Variants in MAGI2 observed in about 807,000 individuals in gnomAD.
MAGI2 encodes the protein membrane associated guanylate kinase, WW and PDZ domain containing 2, also known as membrane-associated guanylate kinase, WW and PDZ domain-containing protein 2.
In MAGI2, 35 loss-of-function variants were observed where a neutral mutation model predicts 133.3. The ratio of observed to expected loss-of-function variants is 0.26; its 90% CI spans 0.20 to 0.35. The LOEUF is 0.35. MAGI2 is among the 10% of genes least tolerant of loss of function. MAGI2 has a pLI of 1.00. For synonymous variants in MAGI2, 729 were observed against 710.6 expected (o/e 1.03, Z -0.41); for missense variants, 1,636 against 1,863.4 (o/e 0.88, Z 2.25).
At chr7:79,441,071 T>G (rs543773049) in intron 1 of MAGI2, among the ~76,000 whole-genome samples, 2 of 152,370 alleles carry the variant, frequency 1.3e-5, no homozygotes, top group South Asian at 4.1e-4. Context: ...TATAAGCGAT[T>G]TCCTAAACTA....
chr7:79,325,553 T>A (rs1287556305), intron 1 of MAGI2, among the ~76,000 whole-genome samples: 1 of 152,190 alleles, frequency 6.6e-6, no homozygotes, highest in Non-Finnish European at 1.5e-5. Flanking sequence ...AAGAGTTAAC[T>A]GTTGCTTTCA....
At chr7:78,287,972 C>T (rs192068383) in intron 9 of MAGI2, among the ~76,000 whole-genome samples, 144 of 152,248 alleles carry the variant, frequency 9.5e-4, no homozygotes, top group Non-Finnish European at 1.7e-3. Context: ...CTAGACTTAA[C>T]AAAGGTACCC....
chr7:78,921,181 G>A (rs1220113793), intron 2 of MAGI2, among the ~76,000 whole-genome samples: 1 of 152,074 alleles, frequency 6.6e-6, no homozygotes, highest in South Asian at 2.1e-4. Context: ...CTGGGGAAGT[G>A]GAGGATCACT....
chr7:78,423,949 A>G (rs969475672), intron 6 of MAGI2, among the ~76,000 whole-genome samples: 2 of 152,208 alleles, frequency 1.3e-5, no homozygotes, highest in African/African-American at 2.4e-5. Flanking sequence ...ATGTAATAGA[A>G]AAGAAAAACC....
At position 78,057,977 on chromosome 7, in the gene MAGI2, G is replaced by GTGTGTATATATATATATATATATATATA. The variant is rs762943472; in HGVS notation, c.3706+20969_3706+20970insTATATATATATATATATATATATACACA. On this transcript the variant is annotated intron_variant, in intron 21 of 21. Coordinates refer to ENST00000354212, the MANE Select transcript of MAGI2 (RefSeq NM_012301.4). Reference sequence around the variant, plus strand: ...CCCCTCTGGCATTTTATATATATGTGTATATATATATATATATATATATAT... The same window carrying GTGTGTATATATATATATATATATATATA: ...CCCCTCTGGCATTTTATATATATGTGTGTGTATATATATATATATATATATATATATATATATATATATATATATATAT... 2.8e-5 allele frequency among the ~76,000 whole-genome samples: 3 copies of GTGTGTATATATATATATATATATATATA among 106,612 alleles called. 1 individual carries two copies. Among genetic ancestry groups the GTGTGTATATATATATATATATATATATA allele is most frequent in the South Asian group, 3.2e-4 (1 of 3,080 alleles). The allele number at this position is 106,612 out of a possible 152,430, so 69.9% of individuals were successfully genotyped here. A position where few individuals can be genotyped will look rare whatever the true frequency, so the allele number is the denominator to read the frequency against.
chr7:78,823,277 A>T (rs989462352), intron 2 of MAGI2, among the ~76,000 whole-genome samples: 1 of 152,138 alleles, frequency 6.6e-6, no homozygotes, highest in African/African-American at 2.4e-5. Context: ...AGTCTAAAAA[A>T]ATCAGTTTGA....
chr7:78,471,900 G>A (rs1434034007), intron 6 of MAGI2, among the ~76,000 whole-genome samples: 1 of 151,814 alleles, frequency 6.6e-6, no homozygotes, highest in Non-Finnish European at 1.5e-5. Context: ...ACTCCAGCCT[G>A]GGCAACAGAG....
chr7:78,235,236 T>G (rs374153006), intron 10 of MAGI2, among the ~76,000 whole-genome samples: 1 of 152,208 alleles, frequency 6.6e-6, no homozygotes, highest in East Asian at 1.9e-4. Context: ...CTCTGACATT[T>G]GTTGAAATCC....
At chr7:78,421,085 G>C (rs1798749924) in intron 6 of MAGI2, among the ~76,000 whole-genome samples, 1 of 152,148 alleles carries the variant, frequency 6.6e-6, no homozygotes, top group South Asian at 2.1e-4. Flanking sequence ...GGAGCTGTTG[G>C]CCAAATGTGG....
At chr7:78,392,950 C>T (rs2005549) in intron 6 of MAGI2, among the ~76,000 whole-genome samples, 24,531 of 152,006 alleles carry the variant, frequency 0.16, 2,128 homozygotes, top group South Asian at 0.22. Context: ...TGTGAGCCAC[C>T]GCGCCTGGCC....
intron 2 of MAGI2, among the ~76,000 whole-genome samples, chr7:78,860,202 G>C (rs960246127): frequency 2.6e-5 from 4 of 152,132 alleles, no homozygotes; most frequent in Non-Finnish European, 5.9e-5. Flanking sequence ...CTTTAGCTTG[G>C]AGAAGTTTGT....
At chr7:78,969,363 C>T (rs2115944609) in intron 2 of MAGI2, among the ~76,000 whole-genome samples, 1 of 152,196 alleles carries the variant, frequency 6.6e-6, no homozygotes, top group East Asian at 1.9e-4. Context: ...CCTTGGGTAA[C>T]CTACTTTCTC....
chr7:78,812,082 T>A (rs540871650), intron 2 of MAGI2, among the ~76,000 whole-genome samples: 1 of 152,082 alleles, frequency 6.6e-6, no homozygotes, highest in Non-Finnish European at 1.5e-5. Flanking sequence ...CCAGGGAACA[T>A]GGGCAGCCTC....
intron 20 of MAGI2, among the ~76,000 whole-genome samples, chr7:78,118,909 A>G (rs1176471862): frequency 6.6e-6 from 1 of 152,236 alleles, no homozygotes; most frequent in Non-Finnish European, 1.5e-5. Context: ...ACAAATATTG[A>G]TAGCAGCTCT....
intron 9 of MAGI2, among the ~76,000 whole-genome samples, chr7:78,282,937 C>T (rs953804181): frequency 1.3e-5 from 2 of 152,040 alleles, no homozygotes; most frequent in Non-Finnish European, 2.9e-5. Flanking sequence ...CATTATCCAA[C>T]AAAGTAAATA....
chr7:79,224,257 G>C (rs1235747991), intron 1 of MAGI2, among the ~76,000 whole-genome samples: 1 of 151,956 alleles, frequency 6.6e-6, no homozygotes, highest in African/African-American at 2.4e-5. Flanking sequence ...TATGCCATAT[G>C]CCATCACTGC....
At chr7:78,666,159 T>A (rs1813557441) in intron 2 of MAGI2, among the ~76,000 whole-genome samples, 1 of 152,170 alleles carries the variant, frequency 6.6e-6, no homozygotes, top group African/African-American at 2.4e-5. Context: ...CTTTATAGCT[T>A]CCCATTATGT....
intron 1 of MAGI2, among the ~76,000 whole-genome samples, chr7:79,255,639 G>T (rs1019211046): frequency 4.6e-5 from 7 of 152,084 alleles, no homozygotes; most frequent in African/African-American, 1.4e-4. Context: ...TGTCTCTGGA[G>T]GTCTGCCAGA....
intron 1 of MAGI2, among the ~76,000 whole-genome samples, chr7:79,288,912 A>T (rs577033422): frequency 1.1e-4 from 17 of 152,234 alleles, no homozygotes; most frequent in Middle Eastern, 3.4e-3. Context: ...AAGTTGGTGC[A>T]GTTATGGTCC....
Sources: allele counts gnomAD v4.1 joint callset (sites outside exome capture counted in the v4.1 genomes callset), GRCh38; gene constraint gnomAD v4.1.1; transcripts MANE v1.5; gene names NCBI Gene and HGNC (gene_info 2026-07-23, HGNC 2026-07-21).